Variants in HS6ST3 observed in about 807,000 individuals in gnomAD.
The protein encoded by HS6ST3 is heparan sulfate 6-O-sulfotransferase 3, also known as heparan-sulfate 6-O-sulfotransferase 3.
HS6ST3 carries 12 observed loss-of-function variants against 36.7 expected under a neutral mutation model. The observed-to-expected ratio is 0.33, with a 90% CI of 0.21 to 0.53. HS6ST3 has a LOEUF of 0.53. HS6ST3 is among the 20% of genes least tolerant of loss of function. HS6ST3 has a pLI of 0.95. For synonymous variants in HS6ST3, 240 were observed against 257.5 expected (o/e 0.93, Z 0.65); for missense variants, 584 against 640.9 (o/e 0.91, Z 0.96).
chr13:96,412,722 G>A (rs940308234), intron 1 of HS6ST3, among the ~76,000 whole-genome samples: 2 of 151,968 alleles, frequency 1.3e-5, no homozygotes, highest in African/African-American at 4.8e-5. Context: ...CCAGTACTTT[G>A]TAGGCGCTCA....
At chr13:96,656,204 T>C (rs2056624180) in intron 1 of HS6ST3, among the ~76,000 whole-genome samples, 1 of 152,128 alleles carries the variant, frequency 6.6e-6, no homozygotes, top group Non-Finnish European at 1.5e-5. Flanking sequence ...ATTAGAACAA[T>C]GAGTCTAGAT....
chr13:96,752,876 T>C (rs927187004), intron 1 of HS6ST3, among the ~76,000 whole-genome samples: 2 of 152,204 alleles, frequency 1.3e-5, no homozygotes, highest in Non-Finnish European at 2.9e-5. Context: ...TATAAAGATA[T>C]TTCCCCTATA....
chr13:96,115,220 A>G (rs1057374097), intron 1 of HS6ST3, among the ~76,000 whole-genome samples: 2 of 152,214 alleles, frequency 1.3e-5, no homozygotes, highest in Admixed American at 6.5e-5. Context: ...TGGAGCTGAC[A>G]TACTTCCAAG....
chr13:96,223,765 A>T lies in HS6ST3; in HGVS notation c.707+132196A>T, dbSNP rs371063288. ...GATTGCTTAGATGTTGTAATAACATATATGTCACAATTTTTGGCTATGACT... is the reference window on the plus strand; with the variant it reads ...GATTGCTTAGATGTTGTAATAACATTTATGTCACAATTTTTGGCTATGACT... On this transcript the variant is annotated intron_variant, in intron 1 of 1. Coordinates refer to ENST00000376705, the MANE Select transcript of HS6ST3 (RefSeq NM_153456.4). Among the ~76,000 whole-genome samples the T allele has an allele frequency of 4.1e-4, 62 of 152,284 alleles. 2 individuals carry two copies. In the South Asian group the frequency reaches 0.012, roughly 31 times the overall value.
At chr13:96,347,967 C>G (rs2055163807) in intron 1 of HS6ST3, among the ~76,000 whole-genome samples, 1 of 152,188 alleles carries the variant, frequency 6.6e-6, no homozygotes. Context: ...ATCTCTTATT[C>G]ATCCTATATC....
intron 1 of HS6ST3, among the ~76,000 whole-genome samples, chr13:96,645,298 A>C (rs1424976281): frequency 6.6e-6 from 1 of 151,854 alleles, no homozygotes; most frequent in East Asian, 1.9e-4. Flanking sequence ...CAAAAACCTG[A>C]TGTTAATCTG....
intron 1 of HS6ST3, among the ~76,000 whole-genome samples, chr13:96,616,189 A>G (rs1043831682): frequency 3.9e-5 from 6 of 152,178 alleles, no homozygotes; most frequent in Non-Finnish European, 7.4e-5. Context: ...GTCATCTCTT[A>G]TATACAAAGG....
intron 1 of HS6ST3, among the ~76,000 whole-genome samples, chr13:96,680,436 G>A (rs2056714469): frequency 6.6e-6 from 1 of 152,162 alleles, no homozygotes; most frequent in African/African-American, 2.4e-5. Context: ...TAAACTAAGT[G>A]TCATTTGAGG....
intron 1 of HS6ST3, among the ~76,000 whole-genome samples, chr13:96,473,874 C>T (rs915261116): frequency 2.0e-5 from 3 of 152,170 alleles, no homozygotes; most frequent in African/African-American, 7.2e-5. Context: ...AACACTTTTG[C>T]TACCGTGTAC....
At chr13:96,803,500 C>T (rs1006478586) in intron 1 of HS6ST3, among the ~76,000 whole-genome samples, 14 of 152,092 alleles carry the variant, frequency 9.2e-5, no homozygotes, top group South Asian at 2.1e-4. Flanking sequence ...TAATCCTCAC[C>T]GTACCCAGAG....
chr13:96,392,636 C>CA lies in HS6ST3; in HGVS notation c.707+301070dup, dbSNP rs2055401632. Among the ~76,000 whole-genome samples, 7 of 152,232 alleles carry CA rather than the reference C, an allele frequency of 4.6e-5. No homozygotes were observed. The East Asian group carries it at 1.4e-3, about 29-fold the overall frequency. On this transcript the variant is annotated intron_variant, in intron 1 of 1. Transcript: ENST00000376705. ...GGTTAGGAGAGAGCTTTGAATATAC[C>CA]AAATGGGTGCGCAGTCTGTGCAAAG...
chr13:96,768,359 T>G (rs1222035589), intron 1 of HS6ST3, among the ~76,000 whole-genome samples: 1 of 152,150 alleles, frequency 6.6e-6, no homozygotes. Context: ...GAAAAGTAAT[T>G]GCCGACAGTG....
At chr13:96,759,895 A>G (rs1876923262) in intron 1 of HS6ST3, among the ~76,000 whole-genome samples, 1 of 152,034 alleles carries the variant, frequency 6.6e-6, no homozygotes, top group Non-Finnish European at 1.5e-5. Context: ...TCCTTATTCC[A>G]TAATATAATC....
At chr13:96,402,900 A>G (rs1376710283) in intron 1 of HS6ST3, among the ~76,000 whole-genome samples, 9 of 152,206 alleles carry the variant, frequency 5.9e-5, no homozygotes, top group Admixed American at 5.9e-4. Context: ...TTTTGAGGAT[A>G]TATGTTTCCT....
chr13:96,153,145 A>G (rs187103230), intron 1 of HS6ST3, among the ~76,000 whole-genome samples: 30 of 151,848 alleles, frequency 2.0e-4, no homozygotes, highest in Admixed American at 1.7e-3. Flanking sequence ...TACATCTCCA[A>G]CCCCTAAACT....
At chr13:96,755,923 T>C (rs1039481070) in intron 1 of HS6ST3, among the ~76,000 whole-genome samples, 8 of 152,208 alleles carry the variant, frequency 5.3e-5, no homozygotes, top group Admixed American at 1.3e-4. Context: ...TTTTCTTAAG[T>C]AGTTGTACCA....
At chr13:96,516,250 G>T (rs1317931917) in intron 1 of HS6ST3, among the ~76,000 whole-genome samples, 1 of 151,860 alleles carries the variant, frequency 6.6e-6, no homozygotes, top group Non-Finnish European at 1.5e-5. Context: ...ATTTTTAGTA[G>T]AGATGGGGTT....
intron 1 of HS6ST3, among the ~76,000 whole-genome samples, chr13:96,693,999 C>T (rs1048519202): frequency 3.3e-5 from 5 of 152,034 alleles, no homozygotes; most frequent in Non-Finnish European, 5.9e-5. Context: ...CTTAGTTTCC[C>T]GTCTATAGTT....
rs565013721 is a variant in HS6ST3, at chr13:96,661,071, G to T, written c.708-171419G>T. Among the ~76,000 whole-genome samples, 6 of 152,212 alleles carry T rather than the reference G, an allele frequency of 3.9e-5. No homozygotes were observed. In the East Asian group the frequency reaches 9.7e-4, roughly 25 times the overall value. On this transcript the variant is annotated intron_variant, in intron 1 of 1. Transcript: ENST00000376705. Reference sequence around the variant, plus strand: ...TTTTTCTGGGGCTCTTAGGCCTTTGGTCTTTGGTCACAGACTGAAGGCTGC... The same window carrying T: ...TTTTTCTGGGGCTCTTAGGCCTTTGTTCTTTGGTCACAGACTGAAGGCTGC...
Sources: allele counts gnomAD v4.1 joint callset (sites outside exome capture counted in the v4.1 genomes callset), GRCh38; gene constraint gnomAD v4.1.1; transcripts MANE v1.5; gene names NCBI Gene and HGNC (gene_info 2026-07-23, HGNC 2026-07-21).